CNTNAP2: variants seen among roughly 807,000 people sequenced by gnomAD.
CNTNAP2 encodes the protein contactin-associated protein-like 2.
A neutral mutation model predicts 155.2 loss-of-function variants in CNTNAP2; 98 were observed. The observed-to-expected ratio is 0.63, with a 90% confidence interval of 0.54 to 0.75. CNTNAP2 has a LOEUF of 0.75. Among genes scored for constraint, CNTNAP2 ranks in the 30% least tolerant of loss-of-function variants. The pLI, the probability that CNTNAP2 is intolerant of heterozygous loss-of-function variation, is 0.00. For missense variants in CNTNAP2, 1,727 were observed against 1,688.1 expected (o/e 1.02, Z -0.40); for synonymous variants, 651 against 631.2 (o/e 1.03, Z -0.47).
chr7:146,469,400 A>C (rs188764910), intron 1 of CNTNAP2, among the ~76,000 whole-genome samples: 64 of 151,898 alleles, frequency 4.2e-4, no homozygotes, highest in African/African-American at 1.5e-3. Context: ...AAATAGTGCC[A>C]CTGCCCAGTT....
At chr7:147,727,573 T>G (rs929024600) in intron 13 of CNTNAP2, among the ~76,000 whole-genome samples, 3 of 151,994 alleles carry the variant, frequency 2.0e-5, no homozygotes, top group African/African-American at 7.2e-5. Context: ...GTAAGTACTT[T>G]ATATATCCCA....
intron 13 of CNTNAP2, among the ~76,000 whole-genome samples, chr7:147,740,596 A>G (rs1193866838): frequency 6.6e-6 from 1 of 152,242 alleles, no homozygotes; most frequent in Non-Finnish European, 1.5e-5. Flanking sequence ...GGTAGGGTTT[A>G]TGAATAGGAA....
At chr7:146,761,399 G>A (rs1327646960) in intron 1 of CNTNAP2, among the ~76,000 whole-genome samples, 1 of 152,120 alleles carries the variant, frequency 6.6e-6, no homozygotes, top group Non-Finnish European at 1.5e-5. Flanking sequence ...AAGTGATGGT[G>A]AACTCAGGGA....
intron 21 of CNTNAP2, among the ~76,000 whole-genome samples, chr7:148,326,986 G>C (rs1563043168): frequency 6.6e-6 from 1 of 152,182 alleles, no homozygotes. Context: ...GCTTCCTTCT[G>C]CTCATACACG....
intron 19 of CNTNAP2, among the ~76,000 whole-genome samples, chr7:148,225,714 C>T (rs1795834291): frequency 2.0e-5 from 3 of 152,170 alleles, no homozygotes; most frequent in Admixed American, 2.0e-4. Context: ...GCAAAAGACA[C>T]TGGTGGCTTG....
At chr7:148,022,578 C>T (rs1401491680) in intron 15 of CNTNAP2, among the ~76,000 whole-genome samples, 1 of 152,088 alleles carries the variant, frequency 6.6e-6, no homozygotes, top group African/African-American at 2.4e-5. Flanking sequence ...ATGGGAGTAC[C>T]CGGGTTCCAT....
At chr7:146,568,115 T>C (rs1019092514) in intron 1 of CNTNAP2, among the ~76,000 whole-genome samples, 1 of 152,156 alleles carries the variant, frequency 6.6e-6, no homozygotes, top group Non-Finnish European at 1.5e-5. Context: ...ACAGAGGTGA[T>C]TGGATAGATC....
intron 23 of CNTNAP2, among the ~76,000 whole-genome samples, chr7:148,412,306 GGCGCACGCCT>G (rs2116721605): frequency 6.6e-6 from 1 of 152,336 alleles, no homozygotes; most frequent in Non-Finnish European, 1.5e-5. Context: ...CAGGCGCGGT[GGCGCACGCCT>G]GTAATCCCAG....
At chr7:146,299,012 C>A (rs540766161) in intron 1 of CNTNAP2, among the ~76,000 whole-genome samples, 2 of 152,004 alleles carry the variant, frequency 1.3e-5, no homozygotes, top group Non-Finnish European at 2.9e-5. Flanking sequence ...TGGTGGATCA[C>A]GCCTGTTATC....
At chr7:148,306,670 A>G (rs961676426) in intron 21 of CNTNAP2, among the ~76,000 whole-genome samples, 6 of 151,968 alleles carry the variant, frequency 3.9e-5, no homozygotes, top group African/African-American at 7.3e-5. Flanking sequence ...GCAATATGTT[A>G]TCTCTCAGAA....
rs548492359 is a variant in CNTNAP2, at chr7:148,151,710, T to G, written c.2773+4001T>G. Among the ~76,000 whole-genome samples, 6 of 152,358 alleles carry G rather than the reference T, an allele frequency of 3.9e-5. No individual in the cohort carries two copies. In the South Asian group the frequency reaches 1.2e-3, roughly 32 times the overall value. ...TACCCTTCTCTTAAAGAAGCCTCTT[T>G]CAATGGGCTCATTACTTCTTTCTTG... is the stretch of plus-strand genomic sequence containing the variant. On this transcript the variant is annotated intron_variant, in intron 17 of 23. Transcript: ENST00000361727.
intron 22 of CNTNAP2, 55 bp downstream of exon 22, chr7:148,383,943 C>T: frequency 6.4e-7 from 1 of 1,572,868 alleles, no homozygotes; most frequent in Non-Finnish European, 8.6e-7. Context: ...ACCTCAGTCT[C>T]TTGGGACTAT....
At chr7:146,286,725 C>T (rs1800343114) in intron 1 of CNTNAP2, among the ~76,000 whole-genome samples, 1 of 152,168 alleles carries the variant, frequency 6.6e-6, no homozygotes, top group Non-Finnish European at 1.5e-5. Context: ...CATAAACGTT[C>T]TACTGTTCAC....
chr7:148,257,373 C>T (rs1259462080), intron 20 of CNTNAP2, among the ~76,000 whole-genome samples: 1 of 152,240 alleles, frequency 6.6e-6, no homozygotes, highest in Non-Finnish European at 1.5e-5. Context: ...ATGGCTGTTG[C>T]TCGTTTATTC....
At chr7:146,925,492 T>C (rs1038604943) in intron 3 of CNTNAP2, among the ~76,000 whole-genome samples, 5 of 152,128 alleles carry the variant, frequency 3.3e-5, no homozygotes, top group Admixed American at 2.6e-4. Context: ...GTTATGAATT[T>C]ACCTACGTTA....
At chr7:147,942,281 G>T (rs1004016822) in intron 14 of CNTNAP2, among the ~76,000 whole-genome samples, 1 of 152,158 alleles carries the variant, frequency 6.6e-6, no homozygotes, top group Admixed American at 6.5e-5. Context: ...GTCAGTAGCT[G>T]CCAATGCTGA....
chr7:146,218,440 C>T (rs1799151699), intron 1 of CNTNAP2, among the ~76,000 whole-genome samples: 2 of 151,964 alleles, frequency 1.3e-5, no homozygotes, highest in Non-Finnish European at 2.9e-5. Context: ...ACCTGAGAGG[C>T]GGAGCTTGCA....
chr7:147,231,280 G>T (rs1468653555), intron 8 of CNTNAP2, among the ~76,000 whole-genome samples: 13 of 152,128 alleles, frequency 8.5e-5, no homozygotes, highest in Admixed American at 8.5e-4. Flanking sequence ...CTTTTTTAAG[G>T]CTGAATAATA....
intron 16 of CNTNAP2, among the ~76,000 whole-genome samples, chr7:148,140,816 A>C (rs1334781837): frequency 6.6e-6 from 1 of 152,224 alleles, no homozygotes; most frequent in African/African-American, 2.4e-5. Context: ...GCAAATGAAG[A>C]CATGCTTACC....
Sources: gnomAD v4.1 joint callset for allele counts (sites outside exome capture counted in the v4.1 genomes callset) on GRCh38, gnomAD v4.1.1 for gene constraint, MANE v1.5 for transcripts, NCBI Gene and HGNC (gene_info 2026-07-23, HGNC 2026-07-21) for gene names.